CDH11: variants seen among roughly 807,000 people sequenced by gnomAD.
The protein encoded by CDH11 is cadherin-11.
A neutral mutation model predicts 67.8 loss-of-function variants in CDH11; 11 were observed. The observed-to-expected ratio is 0.16, with a 90% CI of 0.10 to 0.27. CDH11 has a LOEUF of 0.27. CDH11 is among the 10% of genes least tolerant of loss of function. The pLI is 1.00. For missense variants in CDH11, 847 were observed against 1,031.2 expected, an observed-to-expected ratio of 0.82 and a Z score of 2.45; for synonymous variants, 419 against 400.0, an observed-to-expected ratio of 1.05 and a Z score of -0.57.
chr16:64,955,177 C>T (rs1343963787), intron 11 of CDH11, among the ~76,000 whole-genome samples: 1 of 151,942 alleles, frequency 6.6e-6, no homozygotes, highest in East Asian at 1.9e-4. Context: ...ACCCGGGAGG[C>T]AGAGCTTGCA....
intron 2 of CDH11, among the ~76,000 whole-genome samples, chr16:65,023,289 A>G (rs1360373418): frequency 6.6e-6 from 1 of 152,188 alleles, no homozygotes; most frequent in Non-Finnish European, 1.5e-5. Context: ...AAAAGTAGCG[A>G]GTTGAATCTG....
chr16:65,040,713 A>T (rs1274385118), intron 2 of CDH11, among the ~76,000 whole-genome samples: 7 of 152,354 alleles, frequency 4.6e-5, no homozygotes, highest in South Asian at 2.1e-4. Context: ...TAATAAAAAA[A>T]TTACTGTAAT....
chr16:65,027,250 A>G (rs138158462), intron 2 of CDH11, among the ~76,000 whole-genome samples: 174 of 152,354 alleles, frequency 1.1e-3, no homozygotes, highest in Non-Finnish European at 2.1e-3. Flanking sequence ...ATGAAAGCAC[A>G]TAAACAAACC....
chr16:65,060,667 G>C (rs1777499970), intron 1 of CDH11, among the ~76,000 whole-genome samples: 1 of 151,990 alleles, frequency 6.6e-6, no homozygotes, highest in Non-Finnish European at 1.5e-5. Context: ...TTCTTCTGTA[G>C]CTGATTTTAT....
chr16:65,034,710 G>A (rs767356909), intron 2 of CDH11, among the ~76,000 whole-genome samples: 38 of 152,120 alleles, frequency 2.5e-4, no homozygotes, highest in Non-Finnish European at 3.7e-4. Flanking sequence ...TTAGAGCCCC[G>A]CACCCTAAAG....
intron 11 of CDH11, among the ~76,000 whole-genome samples, chr16:64,953,134 C>T (rs915254441): frequency 1.3e-5 from 2 of 151,888 alleles, no homozygotes; most frequent in African/African-American, 4.8e-5. Context: ...TGTTGTATTA[C>T]AATTTTTTGT....
chr16:64,988,345 C>T lies in CDH11; in HGVS notation c.812-1G>A. The T allele has an allele frequency of 1.2e-6, 2 of 1,600,680 alleles. No homozygotes were observed. Among genetic ancestry groups the T allele is most frequent in the Non-Finnish European group, 1.7e-6 (2 of 1,175,298 alleles). On this transcript the variant is annotated splice_acceptor_variant, in intron 6 of 12. Transcript: ENST00000268603. LOFTEE classifies it high-confidence loss of function. ...TCTGACACAGACATCTGGTATACGC[C>T]TAGAAGAAGAAGACATCTATTTTTA...
At chr16:64,997,400 A>G (rs1217987676) in intron 4 of CDH11, among the ~76,000 whole-genome samples, 1 of 150,664 alleles carries the variant, frequency 6.6e-6, no homozygotes, top group Non-Finnish European at 1.5e-5. Context: ...AAAAAAAAAA[A>G]GCCTGAATTT....
chr16:64,959,759 CTGTT>C lies in CDH11; in HGVS notation c.1643-8745_1643-8742del, dbSNP rs1439545095. On this transcript the variant is annotated intron_variant, in intron 11 of 12. Coordinates refer to ENST00000268603, the MANE Select transcript of CDH11 (RefSeq NM_001797.4). ...GGCGAAAAATACATCCTACAGAAAT[CTGTT>C]TGGCTATCTTTAAATTATGAAAGTG... Among the ~76,000 whole-genome samples the C allele has an allele frequency of 5.3e-5, 8 of 152,138 alleles. No homozygotes were observed. In the East Asian group the frequency reaches 1.5e-3, roughly 29 times the overall value.
At chr16:65,044,207 A>C (rs763054311) in intron 2 of CDH11, among the ~76,000 whole-genome samples, 11 of 152,302 alleles carry the variant, frequency 7.2e-5, no homozygotes, top group African/African-American at 1.2e-4. Context: ...ACACTCCAAT[A>C]GATGGCATGG....
chr16:65,098,771 G>A (rs1385694124), intron 1 of CDH11, among the ~76,000 whole-genome samples: 1 of 152,126 alleles, frequency 6.6e-6, no homozygotes, highest in Non-Finnish European at 1.5e-5. Flanking sequence ...GTGTAATGAA[G>A]GGTGAACCTC....
At chr16:65,065,287 C>A (rs1166299529) in intron 1 of CDH11, among the ~76,000 whole-genome samples, 1 of 152,150 alleles carries the variant, frequency 6.6e-6, no homozygotes, top group Admixed American at 6.5e-5. Flanking sequence ...TTACCAATAT[C>A]CTGTTTTATT....
intron 4 of CDH11, among the ~76,000 whole-genome samples, chr16:64,995,460 A>G (rs1469557283): frequency 1.3e-5 from 2 of 152,176 alleles, no homozygotes; most frequent in African/African-American, 4.8e-5. Flanking sequence ...CCATCTGATC[A>G]TCAACAAAGT....
chr16:65,030,706 G>A (rs1057391151), intron 2 of CDH11, among the ~76,000 whole-genome samples: 3 of 152,126 alleles, frequency 2.0e-5, no homozygotes, highest in Non-Finnish European at 2.9e-5. Flanking sequence ...GAGTAGCTGG[G>A]GCTACAGGAG....
intron 2 of CDH11, among the ~76,000 whole-genome samples, chr16:65,009,392 G>A (rs751106598): frequency 1.3e-5 from 2 of 151,954 alleles, no homozygotes; most frequent in Non-Finnish European, 2.9e-5. Context: ...TTTGATCTTT[G>A]GTTTTTATTT....
rs1363300320 is a variant in CDH11, at chr16:65,121,968, G to A, written c.-386C>T. The A allele has an allele frequency of 4.3e-6, 3 of 701,544 alleles. No homozygotes were observed. The highest frequency in any genetic ancestry group is 2.0e-5 in the Admixed American group (1 of 49,958). 43.5% of individuals were successfully genotyped at this position (701,544 alleles called of 1,614,324 possible). ...CGGTGTCAGTCCCGGCCCCAGTCCC[G>A]GTCCCATTCACAAGTCAGCGGCGGC... On this transcript the variant is annotated 5_prime_UTR_variant, in exon 1 of 13. Coordinates refer to ENST00000268603, the MANE Select transcript of CDH11 (RefSeq NM_001797.4). The surrounding 1 kb of genome is among the most constrained non-coding windows in gnomAD (Gnocchi z 4.1).
At chr16:65,100,448 A>G (rs1195319824) in intron 1 of CDH11, among the ~76,000 whole-genome samples, 1 of 152,168 alleles carries the variant, frequency 6.6e-6, no homozygotes, top group African/African-American at 2.4e-5. Context: ...AAGTATCTTA[A>G]GAAAAACTGG....
At chr16:65,042,094 G>A (rs1474157307) in intron 2 of CDH11, among the ~76,000 whole-genome samples, 1 of 152,218 alleles carries the variant, frequency 6.6e-6, no homozygotes, top group Non-Finnish European at 1.5e-5. Flanking sequence ...TATTGGTGTA[G>A]TCACATTGGT....
At chr16:65,006,884 C>T (rs2073066505) in intron 2 of CDH11, 1 of 152,470 alleles carries the variant, frequency 6.6e-6, no homozygotes, top group Admixed American at 6.5e-5. Context: ...GGGGAGTTTC[C>T]CTGCACAAGC....
Sources: allele counts gnomAD v4.1 joint callset (sites outside exome capture counted in the v4.1 genomes callset), GRCh38; gene constraint gnomAD v4.1.1; non-coding constraint Gnocchi (gnomAD v3.1); transcripts MANE v1.5; gene names NCBI Gene and HGNC (gene_info 2026-07-23, HGNC 2026-07-21).